LGSN: variants seen among roughly 807,000 people sequenced by gnomAD.
The protein encoded by LGSN is lengsin.
A neutral mutation model predicts 19.5 loss-of-function variants in LGSN; 21 were observed. That is an observed-to-expected ratio of 1.07 (90% CI 0.76 to 1.55). The LOEUF (loss-of-function observed/expected upper bound fraction) is 1.55. Ranked by LOEUF, LGSN falls within the 40% of genes most tolerant of loss-of-function variation. LGSN has a pLI of 0.00. For synonymous variants in LGSN, 257 were observed against 215.6 expected (o/e 1.19, Z -1.68); for missense variants, 673 against 608.5 (o/e 1.11, Z -1.12).
the LGSN span, among the ~76,000 whole-genome samples, chr6:63,458,116 G>A: frequency 6.6e-6 from 1 of 151,782 alleles, no homozygotes; most frequent in East Asian, 1.9e-4. Context: ...TACCCAGGCT[G>A]GAGTGCAATG....
chr6:63,548,347 G>A, the LGSN span, among the ~76,000 whole-genome samples: 1 of 152,204 alleles, frequency 6.6e-6, no homozygotes. Flanking sequence ...TCATGGGTTT[G>A]TTGTGAGGAT....
intron 3 of LGSN, among the ~76,000 whole-genome samples, chr6:63,283,787 G>A (rs1002528288): frequency 6.6e-6 from 1 of 151,848 alleles, no homozygotes; most frequent in Non-Finnish European, 1.5e-5. Flanking sequence ...TGCAACCTCC[G>A]CCTTCCGGGT....
At chr6:63,392,263 C>A in the LGSN span, 1 of 152,486 alleles carries the variant, frequency 6.6e-6, no homozygotes, top group Admixed American at 6.5e-5. Context: ...CCATGGCAAA[C>A]CCTGGCCTAG....
At chr6:63,561,801 A>G in the LGSN span, among the ~76,000 whole-genome samples, 3 of 152,234 alleles carry the variant, frequency 2.0e-5, no homozygotes, top group African/African-American at 7.2e-5. Context: ...AAAGTAAATT[A>G]TAATCAGATC....
chr6:63,330,299 G>T, the LGSN span, among the ~76,000 whole-genome samples: 4 of 152,128 alleles, frequency 2.6e-5, no homozygotes, highest in African/African-American at 9.7e-5. Context: ...AGATTTGTTT[G>T]TCTGAGGGAC....
chr6:63,334,091 A>G, the LGSN span, among the ~76,000 whole-genome samples: 1 of 152,194 alleles, frequency 6.6e-6, no homozygotes, highest in African/African-American at 2.4e-5. Context: ...TTAACCACTT[A>G]TATTCAACAT....
At chr6:63,487,525 TAACTC>T in the LGSN span, among the ~76,000 whole-genome samples, 4 of 152,244 alleles carry the variant, frequency 2.6e-5, no homozygotes, top group African/African-American at 9.6e-5. Context: ...TTTGCTTTGA[TAACTC>T]AAAAGCTAAC....
the LGSN span, among the ~76,000 whole-genome samples, chr6:63,497,438 AT>A: frequency 6.6e-6 from 1 of 152,132 alleles, no homozygotes; most frequent in African/African-American, 2.4e-5. Flanking sequence ...AATCCCCGCT[AT>A]TCAGGAGGCT....
At chr6:63,403,395 G>T in the LGSN span, among the ~76,000 whole-genome samples, 1 of 151,930 alleles carries the variant, frequency 6.6e-6, no homozygotes, top group Non-Finnish European at 1.5e-5. Flanking sequence ...CATAAAAACA[G>T]AATTTAGGGG....
chr6:63,536,043 G>GTTTA, the LGSN span, among the ~76,000 whole-genome samples: 6 of 149,112 alleles, frequency 4.0e-5, no homozygotes, highest in Non-Finnish European at 8.9e-5. Flanking sequence ...AAAGTACTGG[G>GTTTA]TTTACAGGCT....
the LGSN span, among the ~76,000 whole-genome samples, chr6:63,457,722 A>G: frequency 6.6e-6 from 1 of 151,994 alleles, no homozygotes; most frequent in Non-Finnish European, 1.5e-5. Context: ...TCCTAAAAAT[A>G]CAAAAAATTA....
At chr6:63,448,175 C>CTAA in the LGSN span, among the ~76,000 whole-genome samples, 1 of 152,140 alleles carries the variant, frequency 6.6e-6, no homozygotes, top group Non-Finnish European at 1.5e-5. Context: ...AGACACCATG[C>CTAA]TAATATAGAA....
the LGSN span, among the ~76,000 whole-genome samples, chr6:63,505,478 T>A: frequency 6.9e-6 from 1 of 145,732 alleles, no homozygotes; most frequent in African/African-American, 2.6e-5. Flanking sequence ...CTCGGGAGGA[T>A]GAGGCAGGAA....
intron 1 of LGSN, among the ~76,000 whole-genome samples, chr6:63,297,286 T>C (rs899485100): frequency 1.4e-5 from 2 of 144,280 alleles, no homozygotes; most frequent in Admixed American, 1.5e-4. Context: ...GAGGTTGCAG[T>C]GAGCCGAGAT....
At chr6:63,289,172 A>AAGTG (rs1477286843) in intron 2 of LGSN, among the ~76,000 whole-genome samples, 4 of 152,248 alleles carry the variant, frequency 2.6e-5, no homozygotes. Context: ...TTTTTTAAAT[A>AAGTG]AGTGAGTGAG....
chr6:63,306,239 A>T (rs904698642), intron 1 of LGSN, among the ~76,000 whole-genome samples: 5 of 152,204 alleles, frequency 3.3e-5, no homozygotes, highest in Admixed American at 6.5e-5. Context: ...GGGGTTAGGT[A>T]ATTTGTTCAA....
At chr6:63,432,183 GAAAAGAAAAGA>G in the LGSN span, among the ~76,000 whole-genome samples, 8 of 25,034 alleles carry the variant, frequency 3.2e-4, 1 homozygote, top group African/African-American at 1.8e-3. Context: ...AGGAAAGAAA[GAAAAGAAAAGA>G]AAAGAAAAGA....
the LGSN span, among the ~76,000 whole-genome samples, chr6:63,365,430 T>C: frequency 2.6e-5 from 4 of 151,454 alleles, no homozygotes; most frequent in Non-Finnish European, 5.9e-5. Context: ...GGTTCTGAAA[T>C]TGAGGCAGTA....
chr6:63,505,876 T>G, the LGSN span, among the ~76,000 whole-genome samples: 1 of 152,098 alleles, frequency 6.6e-6, no homozygotes, highest in East Asian at 1.9e-4. Context: ...GCCAGTCTGG[T>G]CTCAAACTCC....
Sources: gnomAD v4.1 joint callset for allele counts (sites outside exome capture counted in the v4.1 genomes callset) on GRCh38, gnomAD v4.1.1 for gene constraint, MANE v1.5 for transcripts, NCBI Gene and HGNC (gene_info 2026-07-23, HGNC 2026-07-21) for gene names.